The following RASSF3 variants were observed in gnomAD, a reference collection of about 807,000 sequenced individuals.
RASSF3 encodes the protein ras association domain-containing protein 3.
RASSF3 carries 19 observed loss-of-function variants against 19.9 expected under a neutral mutation model. That is an observed-to-expected ratio of 0.96 (90% CI 0.67 to 1.40). RASSF3 has a LOEUF of 1.40. Among genes scored for constraint, RASSF3 ranks in the 40% most tolerant of loss-of-function variants. The pLI is 0.00. For missense variants in RASSF3, 306 were observed against 289.8 expected (o/e 1.06, Z -0.41); for synonymous variants, 110 against 104.2 (o/e 1.06, Z -0.34).
At chr12:64,584,189 A>G (rs1869752101) in intron 2 of RASSF3, among the ~76,000 whole-genome samples, 2 of 152,256 alleles carry the variant, frequency 1.3e-5, no homozygotes, top group African/African-American at 4.8e-5. Flanking sequence ...CCAGGCTTTG[A>G]TGCCAGCTTG....
chr12:64,654,551 T>C (rs1486647871), intron 1 of RASSF3, among the ~76,000 whole-genome samples: 1 of 148,578 alleles, frequency 6.7e-6, no homozygotes, highest in Non-Finnish European at 1.5e-5. Flanking sequence ...CTGCCTGCAA[T>C]CTCAGCATTT....
At chr12:64,585,394 G>A (rs1336557917) in intron 2 of RASSF3, among the ~76,000 whole-genome samples, 2 of 152,072 alleles carry the variant, frequency 1.3e-5, no homozygotes, top group Non-Finnish European at 2.9e-5. Context: ...GGCAATCATT[G>A]AAAAATCCAA....
At chr12:64,633,864 G>C (rs1194355795) in intron 1 of RASSF3, among the ~76,000 whole-genome samples, 1 of 152,120 alleles carries the variant, frequency 6.6e-6, no homozygotes, top group Non-Finnish European at 1.5e-5. Flanking sequence ...GACCAAGTGG[G>C]GTGGCTCACG....
intron 1 of RASSF3, among the ~76,000 whole-genome samples, chr12:64,527,968 A>G (rs1372565860): frequency 6.7e-6 from 1 of 149,230 alleles, no homozygotes; most frequent in African/African-American, 2.5e-5. Flanking sequence ...ATTTTAAAAA[A>G]TTGATACAGG....
chr12:64,588,682 A>G (rs1467396277), intron 2 of RASSF3, among the ~76,000 whole-genome samples: 1 of 152,162 alleles, frequency 6.6e-6, no homozygotes, highest in Non-Finnish European at 1.5e-5. Context: ...GTATATTTCC[A>G]TCTGGCCTTT....
intron 2 of RASSF3, among the ~76,000 whole-genome samples, chr12:64,577,769 G>GT: frequency 6.6e-6 from 1 of 152,180 alleles, no homozygotes; most frequent in South Asian, 2.1e-4. Flanking sequence ...AACAGTAGGA[G>GT]TGCTGTTATG....
chr12:64,659,991 T>TGTATATGTGTGC (rs962546243), intron 1 of RASSF3, among the ~76,000 whole-genome samples: 8 of 148,100 alleles, frequency 5.4e-5, no homozygotes, highest in Non-Finnish European at 1.0e-4. Flanking sequence ...TGTATGTATG[T>TGTATATGTGTGC]GTATATGTGT....
intron 1 of RASSF3, among the ~76,000 whole-genome samples, chr12:64,617,321 A>G (rs752655560): frequency 3.9e-5 from 6 of 152,138 alleles, no homozygotes; most frequent in Non-Finnish European, 5.9e-5. Flanking sequence ...TTAGTTGACA[A>G]TTTATTGTGT....
intron 2 of RASSF3, among the ~76,000 whole-genome samples, chr12:64,580,575 AACAC>A (rs201737911): frequency 0.017 from 2,346 of 141,356 alleles, 66 homozygotes; most frequent in African/African-American, 0.054. Context: ...TTTTTAGGAA[AACAC>A]ACACACACAC....
chr12:64,569,522 C>G (rs1195769089), intron 2 of RASSF3, among the ~76,000 whole-genome samples: 1 of 152,234 alleles, frequency 6.6e-6, no homozygotes, highest in Non-Finnish European at 1.5e-5. Context: ...AGCTCCATCT[C>G]CCTTGGGGAT....
intron 2 of RASSF3, among the ~76,000 whole-genome samples, chr12:64,598,164 C>A (rs1393782179): frequency 6.6e-6 from 1 of 152,146 alleles, no homozygotes; most frequent in Admixed American, 6.5e-5. Context: ...AGTGACTTGC[C>A]CACTTTGGCC....
At chr12:64,507,630 C>A (rs536492213) in intron 1 of RASSF3, among the ~76,000 whole-genome samples, 1 of 152,182 alleles carries the variant, frequency 6.6e-6, no homozygotes, top group East Asian at 1.9e-4. Context: ...TATTTAAAAA[C>A]AACAAAAACA....
At chr12:64,564,926 A>G (rs1869404309) in intron 2 of RASSF3, among the ~76,000 whole-genome samples, 1 of 151,748 alleles carries the variant, frequency 6.6e-6, no homozygotes, top group Non-Finnish European at 1.5e-5. Context: ...GACAACAGGC[A>G]TGCATCACCA....
intron 1 of RASSF3, among the ~76,000 whole-genome samples, chr12:64,535,247 T>C (rs187749060): frequency 6.6e-6 from 1 of 152,192 alleles, no homozygotes; most frequent in East Asian, 1.9e-4. Context: ...CTGTGGCTCA[T>C]GCCAGGAGTT....
At position 64,597,088 on chromosome 12, in the gene RASSF3, C is replaced by T. The variant is rs1332118488; in HGVS notation, c.294+55383C>T. Among the ~76,000 whole-genome samples, 11 of 151,736 alleles carry T rather than the reference C, an allele frequency of 7.2e-5. No homozygotes were observed. In the South Asian group the frequency reaches 1.2e-3, roughly 17 times the overall value. On this transcript the variant is annotated intron_variant, in intron 2 of 5. Coordinates refer to the RASSF3 transcript ENST00000637125. ...AGCCTCAGTGTATTTTTTTTTAACA[C>T]GTTGGCCTTCACATATCTGGTCAAT... is the stretch of plus-strand genomic sequence containing the variant.
intron 1 of RASSF3, chr12:64,622,656 C>CCTG: frequency 6.8e-6 from 2 of 293,008 alleles, no homozygotes; most frequent in Admixed American, 4.8e-5. Context: ...CTCTTTTATT[C>CCTG]TGATTAACTC....
At chr12:64,613,820 C>T (rs1264057171) in intron 1 of RASSF3, among the ~76,000 whole-genome samples, 7 of 151,810 alleles carry the variant, frequency 4.6e-5, no homozygotes, top group African/African-American at 1.2e-4. Flanking sequence ...TGGTGGTGCT[C>T]GCCTGTAGTC....
chr12:64,652,521 G>A (rs368437990), intron 1 of RASSF3, among the ~76,000 whole-genome samples: 11 of 151,428 alleles, frequency 7.3e-5, no homozygotes, highest in East Asian at 1.9e-4. Flanking sequence ...GGCTTGGCTC[G>A]AGGACTGTGA....
At chr12:64,627,794 G>C (rs1279634915) in intron 1 of RASSF3, among the ~76,000 whole-genome samples, 2 of 152,114 alleles carry the variant, frequency 1.3e-5, no homozygotes, top group Non-Finnish European at 2.9e-5. Context: ...TCCTAGGACT[G>C]GTCCTTTATT....
Sources: allele counts gnomAD v4.1 joint callset (sites outside exome capture counted in the v4.1 genomes callset), GRCh38; gene constraint gnomAD v4.1.1; transcripts MANE v1.5; gene names NCBI Gene and HGNC (gene_info 2026-07-23, HGNC 2026-07-21).